Variants in TMTC2 observed in about 807,000 individuals in gnomAD.
TMTC2 encodes protein O-mannosyl-transferase TMTC2.
A neutral mutation model predicts 82.4 loss-of-function variants in TMTC2; 43 were observed. That is an observed-to-expected ratio of 0.52 (90% CI 0.41 to 0.67). The LOEUF (loss-of-function observed/expected upper bound fraction) is 0.67, where lower values mean the gene tolerates loss of function less well. Ranked by LOEUF, TMTC2 falls within the 30% of genes least tolerant of loss-of-function variation. The pLI is 0.00. For synonymous variants in TMTC2, 408 were observed against 381.9 expected (o/e 1.07, Z -0.80); for missense variants, 919 against 1,012.4 (o/e 0.91, Z 1.25).
intron 8 of TMTC2, among the ~76,000 whole-genome samples, chr12:83,008,729 A>G (rs562259420): frequency 2.0e-5 from 3 of 152,262 alleles, no homozygotes; most frequent in Non-Finnish European, 1.5e-5. Context: ...TGAATTGGGT[A>G]GTAGAAAATG....
chr12:83,122,067 TGCTACCC>T (rs1269899359), intron 11 of TMTC2, among the ~76,000 whole-genome samples: 1 of 151,986 alleles, frequency 6.6e-6, no homozygotes, highest in Non-Finnish European at 1.5e-5. Context: ...ACTTACCCCA[TGCTACCC>T]GCTTCCCAGC....
chr12:83,044,042 A>G (rs1032765997), intron 9 of TMTC2, among the ~76,000 whole-genome samples: 7 of 152,188 alleles, frequency 4.6e-5, no homozygotes, highest in Non-Finnish European at 5.9e-5. Flanking sequence ...AGAAACCGCC[A>G]TTCATAGAAA....
chr12:83,079,651 CATG>C (rs1565880527), intron 11 of TMTC2, among the ~76,000 whole-genome samples: 1 of 152,142 alleles, frequency 6.6e-6, no homozygotes, highest in Non-Finnish European at 1.5e-5. Flanking sequence ...CTTCCTCACT[CATG>C]ATTGGATACA....
At chr12:82,689,239 A>G (rs574052717) in intron 1 of TMTC2, among the ~76,000 whole-genome samples, 1 of 152,308 alleles carries the variant, frequency 6.6e-6, no homozygotes, top group African/African-American at 2.4e-5. Flanking sequence ...CAGTGTGGGC[A>G]GTTACTGGCT....
intron 1 of TMTC2, among the ~76,000 whole-genome samples, chr12:82,756,826 A>G (rs1012290195): frequency 6.6e-6 from 1 of 152,140 alleles, no homozygotes; most frequent in Non-Finnish European, 1.5e-5. Context: ...TACGATTCCA[A>G]ATATCACACA....
intron 7 of TMTC2, among the ~76,000 whole-genome samples, chr12:82,967,251 G>A (rs1878253428): frequency 6.6e-6 from 1 of 151,740 alleles, no homozygotes; most frequent in Admixed American, 6.6e-5. Flanking sequence ...AAAACATCTG[G>A]GTATGGAATA....
At position 83,125,524 on chromosome 12, in the gene TMTC2, G is replaced by T. The variant is rs552002921; in HGVS notation, c.2332-6686G>T. On this transcript the variant is annotated intron_variant, in intron 11 of 11. Transcript: ENST00000321196. ...TAACCTCTCTAGTAATCAGTGAAAA[G>T]AAATTAAGTGCATAGAAAGATACAG... 3.3e-3 allele frequency among the ~76,000 whole-genome samples: 507 copies of T among 152,298 alleles called. 3 individuals are homozygous for T. The highest frequency in any genetic ancestry group is 0.01 in the Middle Eastern group (3 of 294).
At chr12:82,839,783 A>G (rs1163468909) in intron 1 of TMTC2, among the ~76,000 whole-genome samples, 3 of 152,106 alleles carry the variant, frequency 2.0e-5, no homozygotes, top group Admixed American at 6.5e-5. Context: ...AAAATATCTT[A>G]ATTAGGCTGT....
chr12:82,906,165 T>G (rs1395918515), intron 3 of TMTC2, among the ~76,000 whole-genome samples: 1 of 152,142 alleles, frequency 6.6e-6, no homozygotes, highest in African/African-American at 2.4e-5. Flanking sequence ...ATGTAAAAAT[T>G]GACTATTTCC....
intron 1 of TMTC2, among the ~76,000 whole-genome samples, chr12:82,714,550 T>A (rs1340839019): frequency 6.6e-6 from 1 of 152,298 alleles, no homozygotes; most frequent in South Asian, 2.1e-4. Context: ...TGTTGATTAC[T>A]ACCTACGAAG....
At chr12:82,718,632 T>C (rs1337219141) in intron 1 of TMTC2, among the ~76,000 whole-genome samples, 1 of 152,312 alleles carries the variant, frequency 6.6e-6, no homozygotes, top group Non-Finnish European at 1.5e-5. Context: ...GTTTTTCTTA[T>C]GTGTAGGTTG....
intron 11 of TMTC2, among the ~76,000 whole-genome samples, chr12:83,090,548 C>A (rs1883806659): frequency 6.6e-6 from 1 of 152,164 alleles, no homozygotes. Flanking sequence ...GGCACCATAT[C>A]TGTCCAGACA....
intron 1 of TMTC2, among the ~76,000 whole-genome samples, chr12:82,769,912 G>T (rs1454791957): frequency 6.6e-6 from 1 of 152,152 alleles, no homozygotes; most frequent in Non-Finnish European, 1.5e-5. Context: ...ACCCGGCCAA[G>T]ACACTTATTT....
chr12:82,753,163 A>G (rs1223101482), intron 1 of TMTC2, among the ~76,000 whole-genome samples: 1 of 152,108 alleles, frequency 6.6e-6, no homozygotes. Context: ...TCAGCTGCTC[A>G]TCTTTTCCAC....
intron 1 of TMTC2, among the ~76,000 whole-genome samples, chr12:82,800,162 C>T (rs1170535097): frequency 6.6e-6 from 1 of 152,100 alleles, no homozygotes; most frequent in African/African-American, 2.4e-5. Flanking sequence ...TAGTGTCTCT[C>T]TCACAGAGGA....
chr12:83,118,693 A>G (rs1463668780), intron 11 of TMTC2, among the ~76,000 whole-genome samples: 2 of 152,142 alleles, frequency 1.3e-5, no homozygotes, highest in Admixed American at 6.6e-5. Flanking sequence ...CATAGAATGA[A>G]TTAAGGAGGC....
chr12:83,117,559 CT>C (rs1884802150), intron 11 of TMTC2, among the ~76,000 whole-genome samples: 1 of 152,060 alleles, frequency 6.6e-6, no homozygotes, highest in Admixed American at 6.5e-5. Context: ...TGACTATGGC[CT>C]TATAGTGTAG....
chr12:82,804,400 G>A (rs886280845), intron 1 of TMTC2, among the ~76,000 whole-genome samples: 1 of 152,010 alleles, frequency 6.6e-6, no homozygotes, highest in Non-Finnish European at 1.5e-5. Flanking sequence ...GAAAAATCAT[G>A]GTGTATTATT....
At chr12:82,852,353 G>A (rs7301204) in intron 1 of TMTC2, among the ~76,000 whole-genome samples, 3 of 151,682 alleles carry the variant, frequency 2.0e-5, no homozygotes, top group South Asian at 2.1e-4. Context: ...GTGATCCATC[G>A]TCCTCGGCCT....
Sources: allele counts gnomAD v4.1 joint callset (sites outside exome capture counted in the v4.1 genomes callset), GRCh38; gene constraint gnomAD v4.1.1; transcripts MANE v1.5; gene names NCBI Gene and HGNC (gene_info 2026-07-23, HGNC 2026-07-21).